Variants in NRAP observed in about 807,000 individuals in gnomAD.
NRAP encodes the protein nebulin related anchoring protein, also known as nebulin-related-anchoring protein.
Under a neutral mutation model 225.9 loss-of-function variants are expected in NRAP, and 189 were observed. That is an observed-to-expected ratio of 0.84 (90% CI 0.74 to 0.94). NRAP has a LOEUF of 0.94. NRAP is among the 40% of genes least tolerant of loss of function. The probability of loss-of-function intolerance (pLI) is 0.00; values close to 1 mark genes in which losing one functional copy is unlikely to be tolerated. For missense variants in NRAP, 2,176 were observed against 2,168.7 expected, an observed-to-expected ratio of 1.00 and a Z score of -0.07; for synonymous variants, 769 against 790.7, an observed-to-expected ratio of 0.97 and a Z score of 0.46.
chr10:113,634,371 T>C (rs1251596981), intron 14 of NRAP, among the ~76,000 whole-genome samples, 161 bp from the exon 15 acceptor site: 1 of 151,996 alleles, frequency 6.6e-6, no homozygotes, highest in Non-Finnish European at 1.5e-5. Context: ...AGCCCATAGA[T>C]AGAAAAACAG....
intron 18 of NRAP, among the ~76,000 whole-genome samples, chr10:113,631,244 C>T (rs779524588): frequency 3.3e-5 from 5 of 152,186 alleles, no homozygotes; most frequent in Non-Finnish European, 7.3e-5. Context: ...ACATTTGTGA[C>T]ATGAATAAAT....
At chr10:113,589,252 G>A in intron 41 of NRAP, 173 bp from the exon 42 acceptor site, 2 of 602,452 alleles carry the variant, frequency 3.3e-6, no homozygotes, top group South Asian at 4.3e-5. Context: ...AGGCAGGAAT[G>A]AGAAAGCAAA....
At chr10:113,615,929 A>G (rs996430984) in intron 26 of NRAP, 113 bp from the exon 27 acceptor site, 1 of 692,922 alleles carries the variant, frequency 1.4e-6, no homozygotes, top group African/African-American at 1.8e-5. Context: ...TCATAGAGAC[A>G]TGATTTCGGG....
Position 113,589,747 on chromosome 10 carries a change from A to AG in NRAP, c.5006dup (p.Pro1670SerfsTer49), listed in dbSNP as rs1196533352. On this transcript the variant is annotated frameshift_variant, in exon 41 of 42. Coordinates refer to ENST00000359988, the MANE Select transcript of NRAP (RefSeq NM_198060.4). LOFTEE classifies it high-confidence loss of function. ...CCATTTCCACTTTGTAGGAGCCAGG[A>AG]GGGGTCCAGCCAACACCTCTGGTCA... 18 of 1,614,128 alleles carry AG rather than the reference A, an allele frequency of 1.1e-5. No individual in the cohort carries two copies. Among genetic ancestry groups the AG allele is most frequent in the Non-Finnish European group, 1.4e-5 (16 of 1,180,018 alleles).
intron 9 of NRAP, among the ~76,000 whole-genome samples, chr10:113,647,596 A>AGTGGTACTGTCTCCCCTG (rs1554866709): frequency 1.2e-4 from 5 of 42,622 alleles, no homozygotes; most frequent in African/African-American, 2.8e-4. Flanking sequence ...TTCCTCCCCT[A>AGTGGTACTGTCTCCCCTG]GTGGTACTGT....
intron 14 of NRAP, among the ~76,000 whole-genome samples, chr10:113,635,396 G>A (rs539502540): frequency 3.5e-4 from 53 of 152,290 alleles, no homozygotes; most frequent in Admixed American, 8.5e-4. Flanking sequence ...GAGAGGTTGT[G>A]GATAGCAGAT....
chr10:113,602,485 G>T (rs1203690314), intron 35 of NRAP, among the ~76,000 whole-genome samples: 1 of 152,196 alleles, frequency 6.6e-6, no homozygotes, highest in Admixed American at 6.5e-5. Context: ...TGGAACTTGG[G>T]CTGGCACTTT....
chr10:113,592,006 A>ATT (rs1475738503), intron 39 of NRAP, among the ~76,000 whole-genome samples, 188 bp downstream of exon 39: 1 of 152,046 alleles, frequency 6.6e-6, no homozygotes, highest in Non-Finnish European at 1.5e-5. Context: ...CTTGACCACA[A>ATT]TTTCTGCCTA....
chr10:113,663,874 C>A lies in NRAP; in HGVS notation c.9G>T (p.Val3=). The change falls in exon 1 of 42, where the codon GTG becomes GTT. Residue 3 remains valine (V), a synonymous_variant. Transcript: ENST00000359988. MN[V]QPCSRCGYGV... ...CATACCCACACCTAGAACAGGGCTG[C>A]ACATTCATCTCGAAGCCGGAAGAGA... The A allele has an allele frequency of 2.5e-6, 4 of 1,613,486 alleles. No individual in the cohort carries two copies. The highest frequency in any genetic ancestry group is 3.4e-6 in the Non-Finnish European group (4 of 1,179,476).
chr10:113,650,433 C>A lies in NRAP; in HGVS notation c.783+5G>T. The A allele has an allele frequency of 6.2e-7, 1 of 1,600,916 alleles. No homozygotes were observed. Among genetic ancestry groups the A allele is most frequent in the Non-Finnish European group, 8.6e-7 (1 of 1,167,802 alleles). On this transcript the variant is annotated splice_donor_5th_base_variant and intron_variant, in intron 8 of 41. Coordinates refer to ENST00000359988, the MANE Select transcript of NRAP (RefSeq NM_198060.4). Reference sequence around the variant, plus strand: ...TAACATGACCACATTGTCAAGGACACTTACATCACTTGCCAGCTCATTGGC... The same window carrying A: ...TAACATGACCACATTGTCAAGGACAATTACATCACTTGCCAGCTCATTGGC...
intron 35 of NRAP, among the ~76,000 whole-genome samples, chr10:113,604,050 G>T (rs1846772068): frequency 6.6e-6 from 1 of 152,082 alleles, no homozygotes; most frequent in South Asian, 2.1e-4. Flanking sequence ...GGAATTTTTT[G>T]ACTCTTTTGT....
chr10:113,639,656 T>A (rs1849084922), intron 14 of NRAP, among the ~76,000 whole-genome samples: 1 of 152,222 alleles, frequency 6.6e-6, no homozygotes. Context: ...AATAAACATG[T>A]AGTAAAATTC....
Position 113,645,919 on chromosome 10 carries a change from T to C in NRAP, c.1016A>G (p.Asn339Ser), listed in dbSNP as rs756667738. ...ATAATGTGCAGCGCCTTTCATCTTATTGAAGTCCTGCCTGTATTTTATCTG... is the reference window on the plus strand; with the variant it reads ...ATAATGTGCAGCGCCTTTCATCTTACTGAAGTCCTGCCTGTATTTTATCTG... ...ASDIKYRQDFNKMKGAAHYHS... is the reference protein window; with the variant it reads ...ASDIKYRQDFSKMKGAAHYHS... Residue 339 changes from asparagine (N) to serine (S), a missense_variant, in exon 11 of 42, where the codon AAT becomes AGT. Around this residue, in one of 3 missense-constraint regions of NRAP, gnomAD observed 1,708 missense variants for 1,695.5 expected, o/e 1.01. Transcript: ENST00000359988. The C allele has an allele frequency of 1.6e-5, 25 of 1,587,808 alleles. No individual in the cohort carries two copies. Among genetic ancestry groups the C allele is most frequent in the Middle Eastern group, 1.7e-4 (1 of 5,998 alleles).
intron 9 of NRAP, among the ~76,000 whole-genome samples, chr10:113,648,480 T>TAC: frequency 6.7e-6 from 1 of 149,186 alleles, no homozygotes; most frequent in Middle Eastern, 3.5e-3. Flanking sequence ...TATATATATA[T>TAC]ATATATATAT....
rs72835672 is a variant in NRAP at position 113,661,108 on chromosome 10, G to T, written c.255+1571C>A. Reference sequence around the variant, plus strand: ...AAGAGATGAAAACAAAGTCCTAAAAGAATTAGGCTTCTCAGTAACCTAGGA... The same window carrying T: ...AAGAGATGAAAACAAAGTCCTAAAATAATTAGGCTTCTCAGTAACCTAGGA... On this transcript the variant is annotated intron_variant, in intron 3 of 41. Transcript: ENST00000359988. Among the ~76,000 whole-genome samples the T allele has an allele frequency of 4.5e-3, 685 of 152,198 alleles. 3 individuals are homozygous for T. Among genetic ancestry groups the T allele is most frequent in the Non-Finnish European group, 5.8e-3 (393 of 68,002 alleles).
In NRAP at chr10:113,596,716, G is replaced by A. The variant is rs978306759; in HGVS notation, c.4431+370C>T. 2.6e-5 allele frequency among the ~76,000 whole-genome samples: 4 copies of A among 152,152 alleles called. No individual in the cohort carries two copies. In the East Asian group the frequency reaches 5.8e-4, roughly 22 times the overall value. ...TAATACTTGGTATTCTTGTCATTGT[G>A]ATTATGAATCAAACCATGATAAGGA... On this transcript the variant is annotated intron_variant, in intron 37 of 41. Coordinates refer to ENST00000359988, the MANE Select transcript of NRAP (RefSeq NM_198060.4).
At position 113,623,497 on chromosome 10, in the gene NRAP, C is replaced by T. The variant is rs556575242; in HGVS notation, c.2457+32G>A. ...CCCGGTATAAAAAGGCAGGATTCTG[C>T]GGTCTCTTGTACAAGGTGGGGACAG... is the stretch of plus-strand genomic sequence containing the variant. On this transcript the variant is annotated intron_variant, in intron 23 of 41. Transcript: ENST00000359988. 60 of 1,407,806 alleles carry T rather than the reference C, an allele frequency of 4.3e-5. 1 individual carries two copies. In the East Asian group the frequency reaches 7.5e-4, roughly 18 times the overall value. 87.2% of individuals were successfully genotyped at this position (1,407,806 alleles called of 1,614,324 possible). A position where few individuals can be genotyped will look rare whatever the true frequency, so the allele number is the denominator to read the frequency against.
At chr10:113,633,423 C>T (rs1397287995) in intron 15 of NRAP, among the ~76,000 whole-genome samples, 2 of 152,208 alleles carry the variant, frequency 1.3e-5, no homozygotes, top group Admixed American at 1.3e-4. Flanking sequence ...AAAGAATTCC[C>T]TGTGACTGCT....
Position 113,626,157 on chromosome 10 carries a change from G to A in NRAP, c.2146-12C>T. On this transcript the variant is annotated splice_polypyrimidine_tract_variant and intron_variant, in intron 20 of 41. Transcript: ENST00000359988. ...TGCCGGTAGTTTTTCTGTTTCCAAA[G>A]GAAAGGGACCCCACAGCATTAGGAT... 2 of 1,582,280 alleles carry A rather than the reference G, an allele frequency of 1.3e-6. No homozygotes were observed. The highest frequency in any genetic ancestry group is 8.6e-7 in the Non-Finnish European group (1 of 1,162,270).
Sources: gnomAD v4.1 joint callset for allele counts (sites outside exome capture counted in the v4.1 genomes callset) on GRCh38, gnomAD v4.1.1 for gene constraint, gnomAD v4.1.1 regional missense constraint, MANE v1.5 for transcripts, NCBI Gene and HGNC (gene_info 2026-07-23, HGNC 2026-07-21) for gene names.